AADAT: variants seen among roughly 807,000 people sequenced by gnomAD.
AADAT encodes the protein aminoadipate aminotransferase.
A neutral mutation model predicts 56.2 loss-of-function variants in AADAT; 25 were observed. That is an observed-to-expected ratio of 0.44 (90% confidence interval 0.32 to 0.62). The LOEUF is 0.62. AADAT is among the 20% of genes least tolerant of loss of function. The pLI is 0.04. For missense variants in AADAT, 387 were observed against 510.5 expected, an observed-to-expected ratio of 0.76 and a Z score of 2.33; for synonymous variants, 173 against 164.7, an observed-to-expected ratio of 1.05 and a Z score of -0.39.
chr4:170,073,701 A>G (rs146031446), intron 4 of AADAT, among the ~76,000 whole-genome samples: 210 of 152,056 alleles, frequency 1.4e-3, no homozygotes, highest in African/African-American at 4.0e-3. Context: ...GGGTTTCACC[A>G]TGTTAGCCAG....
At chr4:170,083,318 G>A (rs1732405158) in intron 3 of AADAT, among the ~76,000 whole-genome samples, 1 of 151,960 alleles carries the variant, frequency 6.6e-6, no homozygotes, top group Admixed American at 6.6e-5. Context: ...GAAATTAAAA[G>A]TTTTACTGAG....
chr4:170,068,505 G>T, intron 8 of AADAT, 86 bp downstream of exon 8: 1 of 978,784 alleles, frequency 1.0e-6, no homozygotes, highest in Non-Finnish European at 1.5e-6. Flanking sequence ...AAACAGGTTT[G>T]GAGTTCCTGT....
chr4:170,069,070 T>G (rs1731629425), intron 7 of AADAT, 78 bp downstream of exon 7: 2 of 1,248,770 alleles, frequency 1.6e-6, no homozygotes, highest in African/African-American at 3.1e-5. Context: ...TGAAAAAAAT[T>G]GTCTAGACTA....
chr4:170,080,352 G>A lies in AADAT; in HGVS notation c.370-1769C>T, dbSNP rs558971042. Among the ~76,000 whole-genome samples the A allele has an allele frequency of 5.3e-5, 8 of 152,110 alleles. No individual in the cohort carries two copies. The East Asian group carries it at 5.8e-4, about 11-fold the overall frequency. On this transcript the variant is annotated intron_variant, in intron 3 of 12. Coordinates refer to ENST00000337664, the MANE Select transcript of AADAT (RefSeq NM_016228.4). The stretch of plus-strand genomic sequence containing the variant: ...CGTGGAAAAACTCCCCCTAATTCAC[G>A]GCTTCTACACTGGAAAAAGTGAGAT...
chr4:170,090,808 CTCTT>C (rs1732791679), upstream of AADAT, among the ~76,000 whole-genome samples: 1 of 152,160 alleles, frequency 6.6e-6, no homozygotes, highest in Non-Finnish European at 1.5e-5. Context: ...CAGACAACCT[CTCTT>C]TGACTTTAAA....
In AADAT at chr4:170,069,286, C is replaced by T. The variant is rs763689961; in HGVS notation, c.721-56G>A. On this transcript the variant is annotated intron_variant, in intron 6 of 12. Coordinates refer to ENST00000337664, the MANE Select transcript of AADAT (RefSeq NM_016228.4). ...TCTGAAAGCTCTGTTAGTCACTGTACGATTATTTTGAATAGAGAGTAGAAC... is the reference window on the plus strand; with the variant it reads ...TCTGAAAGCTCTGTTAGTCACTGTATGATTATTTTGAATAGAGAGTAGAAC... The T allele has an allele frequency of 5.9e-5, 83 of 1,414,962 alleles. 1 individual carries two copies. Among genetic ancestry groups the T allele is most frequent in the South Asian group, 3.5e-4 (29 of 83,148 alleles). The allele number at this position is 1,414,962 out of a possible 1,614,324, so 87.7% of individuals were successfully genotyped here.
chr4:170,089,517 G>T (rs563681346), intron 1 of AADAT, 107 bp downstream of exon 1: 1 of 1,222,794 alleles, frequency 8.2e-7, no homozygotes. Context: ...AGCGTGCACA[G>T]GGGTACGCAT....
At chr4:170,069,254 C>A (rs767745054) in intron 6 of AADAT, 24 bp from the exon 7 acceptor site, 9 of 1,590,896 alleles carry the variant, frequency 5.7e-6, no homozygotes, top group South Asian at 5.6e-5. Context: ...ATAAAAAATA[C>A]TGTTGGTCTG....
Position 170,074,957 on chromosome 4 carries a change from A to C in AADAT, c.445-1612T>G, listed in dbSNP as rs140585492. ...AAAAGCAAACACTCTTTTAGCAGTC[A>C]AATGTAGAATTACGCATAAAAAAAG... is the stretch of plus-strand genomic sequence containing the variant. On this transcript the variant is annotated intron_variant, in intron 4 of 12. Transcript: ENST00000337664. 4.1e-3 allele frequency among the ~76,000 whole-genome samples: 620 copies of C among 152,372 alleles called. 5 individuals carry two copies. Among genetic ancestry groups the C allele is most frequent in the African/African-American group, 0.013 (550 of 41,584 alleles).
rs1294436265 is a variant in AADAT, at chr4:170,089,906, G to A, written c.-216C>T. The stretch of plus-strand genomic sequence containing the variant: ...GCGTTCGGTCTCCCGGTCCTAAACG[G>A]GTCTGGGGCTGTGTGGCGAGCCCGG... On this transcript the variant is annotated 5_prime_UTR_variant, in exon 1 of 13. Transcript: ENST00000337664. 2 of 519,908 alleles carry A rather than the reference G, an allele frequency of 3.8e-6. No homozygotes were observed. The highest frequency in any genetic ancestry group is 6.8e-6 in the Non-Finnish European group (2 of 294,612). 32.2% of individuals were successfully genotyped at this position (519,908 alleles called of 1,614,324 possible). A position where few individuals can be genotyped will look rare whatever the true frequency, so the allele number is the denominator to read the frequency against.
chr4:170,076,362 T>A (rs542452406), intron 4 of AADAT, among the ~76,000 whole-genome samples: 12 of 152,296 alleles, frequency 7.9e-5, no homozygotes, highest in African/African-American at 2.6e-4. Context: ...TGCCAAATAA[T>A]CAGACTGCAG....
rs879930008 is a variant in AADAT at position 170,060,771 on chromosome 4, C to CCATGCAGGCCAGAGTG, written c.*141_*156dup. 1.4e-5 allele frequency: 6 copies of CCATGCAGGCCAGAGTG among 424,742 alleles called. No homozygotes were observed. Among genetic ancestry groups the CCATGCAGGCCAGAGTG allele is most frequent in the African/African-American group, 2.1e-5 (1 of 48,708 alleles). 26.3% of individuals were successfully genotyped at this position (424,742 alleles called of 1,614,324 possible). ...TTTTTAGAGACAGGGTCTTGTTCTGCCATGCAGGCCAGAGTGCATGCAGGC... is the reference window on the plus strand; with the variant it reads ...TTTTTAGAGACAGGGTCTTGTTCTGCCATGCAGGCCAGAGTGCATGCAGGCCAGAGTGCATGCAGGC... On this transcript the variant is annotated 3_prime_UTR_variant, in exon 13 of 13. Transcript: ENST00000337664.
chr4:170,070,511 C>T (rs1731705343), intron 6 of AADAT, 76 bp downstream of exon 6: 6 of 1,034,792 alleles, frequency 5.8e-6, no homozygotes, highest in Non-Finnish European at 7.4e-6. Flanking sequence ...CAGCAGTCAG[C>T]CTAATACCCA....
At chr4:170,073,665 A>G (rs1731888455) in intron 4 of AADAT, among the ~76,000 whole-genome samples, 1 of 151,914 alleles carries the variant, frequency 6.6e-6, no homozygotes, top group Non-Finnish European at 1.5e-5. Context: ...ACGCCCAGGT[A>G]ATTTTTTGTA....
upstream of AADAT, among the ~76,000 whole-genome samples, chr4:170,091,439 T>G (rs1263708283): frequency 6.6e-6 from 1 of 152,136 alleles, no homozygotes; most frequent in Non-Finnish European, 1.5e-5. Flanking sequence ...ACCTTCGAAT[T>G]CTCGCCAGGC....
At chr4:170,063,439 A>G (rs568429084) in intron 11 of AADAT, among the ~76,000 whole-genome samples, 37 of 152,354 alleles carry the variant, frequency 2.4e-4, no homozygotes, top group Non-Finnish European at 5.0e-4. Context: ...CACTTACCAC[A>G]TATTTTGAGG....
intron 12 of AADAT, among the ~76,000 whole-genome samples, chr4:170,061,653 T>C (rs953328685): frequency 2.0e-5 from 3 of 152,326 alleles, no homozygotes; most frequent in African/African-American, 4.8e-5. Context: ...GCTCAGTAGG[T>C]TGTGATACAT....
chr4:170,089,754 C>T lies in AADAT; in HGVS notation c.-64G>A. On this transcript the variant is annotated 5_prime_UTR_variant, in exon 1 of 13. Transcript: ENST00000337664. The stretch of plus-strand genomic sequence containing the variant: ...GTTGAGGACTAGAAAAACCAAAGAG[C>T]CTCGTCAAGTCCTGCCTGCTAACTC... The T allele has an allele frequency of 1.3e-6, 2 of 1,549,260 alleles. No homozygotes were observed. The highest frequency in any genetic ancestry group is 1.8e-6 in the Non-Finnish European group (2 of 1,124,870).
At chr4:170,065,683 T>G (rs890927815) in intron 10 of AADAT, among the ~76,000 whole-genome samples, 4 of 152,048 alleles carry the variant, frequency 2.6e-5, no homozygotes, top group Non-Finnish European at 5.9e-5. Context: ...ATATTTTTAG[T>G]AGAGATGGGG....
Sources: allele counts gnomAD v4.1 joint callset (sites outside exome capture counted in the v4.1 genomes callset), GRCh38; gene constraint gnomAD v4.1.1; transcripts MANE v1.5; gene names NCBI Gene and HGNC (gene_info 2026-07-23, HGNC 2026-07-21).